Variants in GALNT18 observed in about 807,000 individuals in gnomAD.
The protein encoded by GALNT18 is polypeptide N-acetylgalactosaminyltransferase 18.
Under a neutral mutation model 69.5 loss-of-function variants are expected in GALNT18, and 44 were observed. The ratio of observed to expected loss-of-function variants is 0.63; its 90% CI spans 0.50 to 0.81. The LOEUF is 0.81. Among genes scored for constraint, GALNT18 ranks in the 40% least tolerant of loss-of-function variants. The pLI is 0.00. For synonymous variants in GALNT18, 364 were observed against 318.2 expected (o/e 1.14, Z -1.53); for missense variants, 715 against 810.0 (o/e 0.88, Z 1.42).
rs1255977122 is a variant in GALNT18 at position 11,436,639 on chromosome 11, C to T, written c.429-3852G>A. On this transcript the variant is annotated intron_variant, in intron 2 of 10. Coordinates refer to ENST00000227756, the MANE Select transcript of GALNT18 (RefSeq NM_198516.3). This position sits in a 1 kb window ranked among gnomAD's most constrained non-coding sequence, Gnocchi z 4.5. ...CACACGTTCATGCCACATCATGACA[C>T]GGTCTGTAGTTCGTATCTTCACCTC... 6.6e-6 allele frequency among the ~76,000 whole-genome samples: 1 copy of T among 152,200 alleles called. No individual in the cohort carries two copies. Among genetic ancestry groups the T allele is most frequent in the African/African-American group, 2.4e-5 (1 of 41,448 alleles).
rs752527280 is a variant in GALNT18 at position 11,619,227 on chromosome 11, G to T, written c.235+2132C>A. Among the ~76,000 whole-genome samples the T allele has an allele frequency of 2.0e-5, 3 of 152,100 alleles. No homozygotes were observed. The South Asian group carries it at 6.2e-4, about 32-fold the overall frequency. ...GCTTTGGCCCTCTGTCGAGATTGTG[G>T]TTATTTCTGAATACCCACAGGGGTC... On this transcript the variant is annotated intron_variant, in intron 1 of 10. Coordinates refer to ENST00000227756, the MANE Select transcript of GALNT18 (RefSeq NM_198516.3). The surrounding 1 kb of genome is among the most constrained non-coding windows in gnomAD (Gnocchi z 4.9).
intron 10 of GALNT18, among the ~76,000 whole-genome samples, chr11:11,283,642 G>C (rs1244915604): frequency 6.6e-6 from 1 of 152,198 alleles, no homozygotes; most frequent in Non-Finnish European, 1.5e-5. Context: ...GCTTCGTGCA[G>C]AGACCTGGGC....
At chr11:11,589,497 T>G (rs1211874637) in intron 1 of GALNT18, among the ~76,000 whole-genome samples, 1 of 152,106 alleles carries the variant, frequency 6.6e-6, no homozygotes, top group Non-Finnish European at 1.5e-5. Context: ...ACACCATGGC[T>G]CCCCTTTTGC....
chr11:11,572,214 G>C (rs1858808883), intron 1 of GALNT18, among the ~76,000 whole-genome samples: 2 of 152,220 alleles, frequency 1.3e-5, no homozygotes, highest in South Asian at 4.1e-4. Context: ...CTTTCTGTGG[G>C]ATCCTTGACC....
At chr11:11,271,616 T>TCCCCATAGCCATCGGCTGGGTCCC (rs1848830337) in intron 10 of GALNT18, among the ~76,000 whole-genome samples, 3 of 152,340 alleles carry the variant, frequency 2.0e-5, no homozygotes, top group Admixed American at 2.0e-4. Flanking sequence ...GGCTGGGTCC[T>TCCCCATAGCCATCGGCTGGGTCCC]TTCTCTGAAA....
intron 8 of GALNT18, among the ~76,000 whole-genome samples, chr11:11,328,038 G>A (rs1357052534): frequency 1.3e-5 from 2 of 152,130 alleles, no homozygotes; most frequent in Admixed American, 6.5e-5. Context: ...ATCAGTGGGT[G>A]GTGGCCACTA....
chr11:11,522,608 C>A (rs1204888706), intron 1 of GALNT18, among the ~76,000 whole-genome samples: 1 of 152,194 alleles, frequency 6.6e-6, no homozygotes, highest in African/African-American at 2.4e-5. Flanking sequence ...CTCCTTGGGA[C>A]CACTGCAGAA....
chr11:11,416,105 G>A (rs1215065901), intron 3 of GALNT18, among the ~76,000 whole-genome samples: 6 of 152,288 alleles, frequency 3.9e-5, no homozygotes, highest in South Asian at 2.1e-4. Context: ...AGACAAGCTC[G>A]CAGACACAGT....
intron 1 of GALNT18, among the ~76,000 whole-genome samples, chr11:11,569,593 T>C (rs1030717656): frequency 1.3e-5 from 2 of 152,188 alleles, no homozygotes; most frequent in Non-Finnish European, 2.9e-5. Context: ...TATTCTATCA[T>C]AGGAGAACAA....
rs1267875910 is a variant in GALNT18 at position 11,309,402 on chromosome 11, G to T, written c.1513-16209C>A. Among the ~76,000 whole-genome samples the T allele has an allele frequency of 2.6e-5, 4 of 152,180 alleles. No individual in the cohort carries two copies. The highest frequency in any genetic ancestry group is 9.6e-5 in the African/African-American group (4 of 41,498). On this transcript the variant is annotated intron_variant, in intron 9 of 10. Transcript: ENST00000227756. This position sits in a 1 kb window ranked among gnomAD's most constrained non-coding sequence, Gnocchi z 4.6. ...CTCATCAACCTAATTGAGGCCTTTG[G>T]AATAATAATTTTCTTTCTTTCCTTC... is the stretch of plus-strand genomic sequence containing the variant.
At chr11:11,286,935 A>C (rs1849206670) in intron 10 of GALNT18, among the ~76,000 whole-genome samples, 1 of 152,172 alleles carries the variant, frequency 6.6e-6, no homozygotes, top group Non-Finnish European at 1.5e-5. Context: ...ATAGAATTTC[A>C]GGGTCCATAA....
chr11:11,371,244 A>C (rs888689799), intron 6 of GALNT18, among the ~76,000 whole-genome samples: 1 of 152,220 alleles, frequency 6.6e-6, no homozygotes, highest in East Asian at 1.9e-4. Flanking sequence ...GCATTGTGAG[A>C]TGCTCACTGT....
rs1589959797 is a variant in GALNT18, at chr11:11,387,154, T to A, written c.596-7890A>T. 6.6e-6 allele frequency among the ~76,000 whole-genome samples: 1 copy of A among 152,316 alleles called. No homozygotes were observed. Among genetic ancestry groups the A allele is most frequent in the Non-Finnish European group, 1.5e-5 (1 of 68,028 alleles). On this transcript the variant is annotated intron_variant, in intron 3 of 10. Coordinates refer to ENST00000227756, the MANE Select transcript of GALNT18 (RefSeq NM_198516.3). This position sits in a 1 kb window ranked among gnomAD's most constrained non-coding sequence, Gnocchi z 4.6. ...AACGGCTGCCTCACACCTGCCCAGG[T>A]AATTTTTCTCTTCATTCTTCCAAAC...
chr11:11,327,221 G>A (rs1404944751), intron 8 of GALNT18, 40 bp from the exon 9 acceptor site: 49 of 1,373,388 alleles, frequency 3.6e-5, no homozygotes, highest in Non-Finnish European at 5.1e-5. Flanking sequence ...AAAGAGAGAG[G>A]AACAGAGAGA....
chr11:11,293,243 A>C, intron 9 of GALNT18, 50 bp from the exon 10 acceptor site: 6 of 1,298,166 alleles, frequency 4.6e-6, no homozygotes, highest in Non-Finnish European at 5.9e-6. Flanking sequence ...ATGGCCACGG[A>C]GACAGGAGCA....
chr11:11,278,956 T>C (rs953852845), intron 10 of GALNT18, among the ~76,000 whole-genome samples: 3 of 152,232 alleles, frequency 2.0e-5, no homozygotes, highest in African/African-American at 7.2e-5. Context: ...CAGCATTACA[T>C]GTACCCCATA....
chr11:11,301,011 C>A (rs1185434182), intron 9 of GALNT18, among the ~76,000 whole-genome samples: 1 of 152,260 alleles, frequency 6.6e-6, no homozygotes. Context: ...CTTGCCCCCA[C>A]AATGAGAAGG....
In GALNT18 at chr11:11,271,091, T is replaced by C; in HGVS notation, c.*53A>G. The stretch of plus-strand genomic sequence containing the variant: ...ACCCCACGTGGACAGCAGGCAACGT[T>C]GCAGCAGGTGCTACACAGTAGCAAA... On this transcript the variant is annotated 3_prime_UTR_variant, in exon 11 of 11. Transcript: ENST00000227756. The C allele has an allele frequency of 6.5e-7, 1 of 1,550,330 alleles. No individual in the cohort carries two copies. The highest frequency in any genetic ancestry group is 8.8e-7 in the Non-Finnish European group (1 of 1,135,732).
chr11:11,621,255 G>A lies in GALNT18; in HGVS notation c.235+104C>T. ...ACTACCACGCATCTGCGGCCCCAGA[G>A]CCCCGCCGTGGCTGAGTTGATGCGC... On this transcript the variant is annotated intron_variant, in intron 1 of 10. Transcript: ENST00000227756. This position sits in a 1 kb window ranked among gnomAD's most constrained non-coding sequence, Gnocchi z 9.3. 4.4e-6 allele frequency: 4 copies of A among 915,564 alleles called. No homozygotes were observed. Among genetic ancestry groups the A allele is most frequent in the Middle Eastern group, 3.2e-4 (1 of 3,150 alleles). The allele number at this position is 915,564 out of a possible 1,614,324, so 56.7% of individuals were successfully genotyped here. A position where few individuals can be genotyped will look rare whatever the true frequency, so the allele number is the denominator to read the frequency against.
Sources: allele counts gnomAD v4.1 joint callset (sites outside exome capture counted in the v4.1 genomes callset), GRCh38; gene constraint gnomAD v4.1.1; non-coding constraint Gnocchi (gnomAD v3.1); transcripts MANE v1.5; gene names NCBI Gene and HGNC (gene_info 2026-07-23, HGNC 2026-07-21).